Variants in COL24A1 observed in about 807,000 individuals in gnomAD.
COL24A1 encodes the protein collagen type XXIV alpha 1 chain.
In COL24A1, 224 loss-of-function variants were observed where a neutral mutation model predicts 253.9. The ratio of observed to expected loss-of-function variants is 0.88; its 90% CI spans 0.79 to 0.99. The LOEUF (loss-of-function observed/expected upper bound fraction) is 0.99. Among genes scored for constraint, COL24A1 ranks in the 50% least tolerant of loss-of-function variants. The probability of loss-of-function intolerance (pLI) is 0.00; values close to 1 mark genes in which losing one functional copy is unlikely to be tolerated. For synonymous variants in COL24A1, 685 were observed against 673.7 expected, an observed-to-expected ratio of 1.02 and a Z score of -0.26; for missense variants, 2,131 against 2,068.5, an observed-to-expected ratio of 1.03 and a Z score of -0.59.
chr1:85,887,475 CTTTT>C (rs201311165), intron 32 of COL24A1, among the ~76,000 whole-genome samples: 5 of 143,910 alleles, frequency 3.5e-5, no homozygotes, highest in African/African-American at 1.3e-4. Context: ...GGTCAGCAAA[CTTTT>C]TTTTTTTTTC....
At chr1:86,072,803 T>C (rs1340320020) in intron 7 of COL24A1, among the ~76,000 whole-genome samples, 2 of 152,156 alleles carry the variant, frequency 1.3e-5, no homozygotes, top group East Asian at 3.9e-4. Context: ...GCAGCAATCT[T>C]TGCTGTTCTG....
intron 4 of COL24A1, 126 bp downstream of exon 4, chr1:86,115,199 G>A: frequency 1.2e-6 from 1 of 850,326 alleles, no homozygotes; most frequent in African/African-American, 1.7e-5. Context: ...AATTGGCTAA[G>A]GTAGGACTAA....
At chr1:85,745,377 A>T (rs1230920116) in intron 56 of COL24A1, 64 bp downstream of exon 56, 4 of 1,236,702 alleles carry the variant, frequency 3.2e-6, no homozygotes, top group South Asian at 1.6e-5. Flanking sequence ...GCCTCCAAAA[A>T]TTTTCTCTGT....
At chr1:85,904,628 T>C (rs966865055) in intron 28 of COL24A1, among the ~76,000 whole-genome samples, 6 of 152,142 alleles carry the variant, frequency 3.9e-5, no homozygotes, top group African/African-American at 1.4e-4. Context: ...GGATAAATAA[T>C]AATACTTTAA....
chr1:85,990,107 ATGAC>A (rs1251240805), intron 19 of COL24A1, among the ~76,000 whole-genome samples: 2 of 152,114 alleles, frequency 1.3e-5, no homozygotes, highest in Non-Finnish European at 2.9e-5. Context: ...CTGCTGTTGA[ATGAC>A]TGGTTTGTTT....
chr1:86,124,786 A>G, intron 3 of COL24A1, 59 bp downstream of exon 3: 1 of 1,313,844 alleles, frequency 7.6e-7, no homozygotes, highest in East Asian at 2.5e-5. Flanking sequence ...AATGTATTTT[A>G]AAGAGAGTTT....
intron 24 of COL24A1, among the ~76,000 whole-genome samples, chr1:85,923,770 C>G (rs1210494495): frequency 6.6e-6 from 1 of 152,024 alleles, no homozygotes; most frequent in African/African-American, 2.4e-5. Context: ...ACTATAGAAG[C>G]AAGGGCAAAC....
At chr1:86,055,519 T>C (rs777322596) in intron 10 of COL24A1, among the ~76,000 whole-genome samples, 1 of 152,212 alleles carries the variant, frequency 6.6e-6, no homozygotes, top group Non-Finnish European at 1.5e-5. Flanking sequence ...CACAGTTATA[T>C]GGATCACTGA....
Position 85,842,405 on chromosome 1 carries a change from A to C in COL24A1, c.3463-12T>G. 6.5e-7 allele frequency: 1 copy of C among 1,547,534 alleles called. No individual in the cohort carries two copies. On this transcript the variant is annotated splice_polypyrimidine_tract_variant and intron_variant, in intron 39 of 59. Transcript: ENST00000370571. ...AATCCTAAATGTCCCTGAAAAACAAAGTAAATATTAGTGAGAGAGAGAAAG... is the reference window on the plus strand; with the variant it reads ...AATCCTAAATGTCCCTGAAAAACAACGTAAATATTAGTGAGAGAGAGAAAG...
At position 86,087,720 on chromosome 1, in the gene COL24A1, A is replaced by C. The variant is rs183373264; in HGVS notation, c.1707+1454T>G. 2.1e-4 allele frequency among the ~76,000 whole-genome samples: 32 copies of C among 152,362 alleles called. No homozygotes were observed. The East Asian group carries it at 6.0e-3, about 28-fold the overall frequency. On this transcript the variant is annotated intron_variant, in intron 7 of 59. Coordinates refer to ENST00000370571, the MANE Select transcript of COL24A1 (RefSeq NM_152890.7). ...CTTCTTTGATGATATATGTCAGTAC[A>C]ATCTCCTAAGAGATATGAGTAGTCA...
rs138585147 is a variant in COL24A1, at chr1:85,768,040, C to T, written c.4375-6474G>A. 7.9e-5 allele frequency among the ~76,000 whole-genome samples: 12 copies of T among 151,944 alleles called. No individual in the cohort carries two copies. In the East Asian group the frequency reaches 1.9e-3, roughly 24 times the overall value. ...ACAAGATACAGTGAAAGAGAATGAC[C>T]GGAAATGATGAGACAGAATGGTCTG... is the stretch of plus-strand genomic sequence containing the variant. On this transcript the variant is annotated intron_variant, in intron 53 of 59. Transcript: ENST00000370571.
intron 12 of COL24A1, among the ~76,000 whole-genome samples, chr1:86,034,132 TA>T (rs977154140): frequency 2.0e-5 from 3 of 152,130 alleles, no homozygotes; most frequent in African/African-American, 7.2e-5. Flanking sequence ...CTATATGTTA[TA>T]AAAATTATTT....
Position 85,786,368 on chromosome 1 carries a change from T to C in COL24A1, c.4045A>G (p.Ile1349Val), listed in dbSNP as rs1215478615. Residue 1349 changes from isoleucine to valine, a missense_variant, in exon 48 of 60, where the codon ATT becomes GTT. Coordinates refer to ENST00000370571, the MANE Select transcript of COL24A1 (RefSeq NM_152890.7). ...TATTAAAGTACCTTTGGGCCTTGAA[T>C]TCCTGGGCTTCCTGGCAAGCCTGAT... ...GSSGLPGSPGIQGPKGEQGLP... is the reference protein window; with the variant it reads ...GSSGLPGSPGVQGPKGEQGLP... 1.2e-6 allele frequency: 2 copies of C among 1,613,700 alleles called. No homozygotes were observed. The highest frequency in any genetic ancestry group is 2.2e-5 in the South Asian group (2 of 91,012).
intron 24 of COL24A1, among the ~76,000 whole-genome samples, chr1:85,941,109 G>A (rs1688719421): frequency 2.0e-5 from 3 of 152,132 alleles, no homozygotes; most frequent in Admixed American, 2.0e-4. Context: ...CATCTGAATT[G>A]CAAACTCTTC....
intron 24 of COL24A1, among the ~76,000 whole-genome samples, chr1:85,944,467 T>A (rs191792185): frequency 1.5e-3 from 229 of 152,308 alleles, no homozygotes; most frequent in Admixed American, 0.01. Context: ...AAATCTTTTT[T>A]AAAAAAATTT....
chr1:85,827,264 C>A (rs550632764), intron 43 of COL24A1, among the ~76,000 whole-genome samples: 1 of 151,650 alleles, frequency 6.6e-6, no homozygotes, highest in Admixed American at 6.6e-5. Flanking sequence ...CCTTGCATCC[C>A]AGGGATGAAG....
chr1:85,780,604 T>G (rs1227080936), intron 52 of COL24A1, among the ~76,000 whole-genome samples: 1 of 152,204 alleles, frequency 6.6e-6, no homozygotes, highest in Non-Finnish European at 1.5e-5. Context: ...GTCTATCACC[T>G]TGAATGACTA....
intron 5 of COL24A1, among the ~76,000 whole-genome samples, chr1:86,102,121 G>A (rs1371136145): frequency 6.6e-6 from 1 of 152,000 alleles, no homozygotes; most frequent in Non-Finnish European, 1.5e-5. Context: ...TCTTGGGAAA[G>A]TGTGTGTGTC....
chr1:85,946,159 C>T (rs1226757087), intron 24 of COL24A1, among the ~76,000 whole-genome samples: 1 of 152,124 alleles, frequency 6.6e-6, no homozygotes, highest in Non-Finnish European at 1.5e-5. Context: ...TGATCAACCC[C>T]CAGTAAAAAT....
Sources: allele counts gnomAD v4.1 joint callset (sites outside exome capture counted in the v4.1 genomes callset), GRCh38; gene constraint gnomAD v4.1.1; transcripts MANE v1.5; gene names NCBI Gene and HGNC (gene_info 2026-07-23, HGNC 2026-07-21).